SH3GL3: variants seen among roughly 807,000 people sequenced by gnomAD.
The protein encoded by SH3GL3 is endophilin-A3.
A neutral mutation model predicts 47.7 loss-of-function variants in SH3GL3; 33 were observed. That is an observed-to-expected ratio of 0.69 (90% confidence interval 0.52 to 0.92). SH3GL3 has a LOEUF of 0.92. Ranked by LOEUF, SH3GL3 falls within the 40% of genes least tolerant of loss-of-function variation. SH3GL3 has a pLI of 0.00. For missense variants in SH3GL3, 363 were observed against 417.8 expected (o/e 0.87, Z 1.14); for synonymous variants, 155 against 148.8 (o/e 1.04, Z -0.30).
chr15:83,501,776 C>T (rs1411778003), intron 1 of SH3GL3, among the ~76,000 whole-genome samples: 1 of 152,070 alleles, frequency 6.6e-6, no homozygotes, highest in Non-Finnish European at 1.5e-5. Context: ...CCTGTAATCC[C>T]AGCTACTTGG....
intron 1 of SH3GL3, among the ~76,000 whole-genome samples, chr15:83,461,312 A>C (rs756155795): frequency 2.6e-5 from 4 of 152,194 alleles, no homozygotes. Context: ...ATTAAGTACA[A>C]ATTTCCAAAA....
At chr15:83,479,382 C>T (rs923204432) in intron 1 of SH3GL3, among the ~76,000 whole-genome samples, 7 of 151,914 alleles carry the variant, frequency 4.6e-5, no homozygotes, top group East Asian at 1.9e-4. Context: ...GCAGTGATCC[C>T]GGGAAAACTA....
At chr15:83,500,958 T>A (rs1309492639) in intron 1 of SH3GL3, among the ~76,000 whole-genome samples, 2 of 152,238 alleles carry the variant, frequency 1.3e-5, no homozygotes, top group Non-Finnish European at 2.9e-5. Context: ...CGAAGGCCCT[T>A]TGAAAAGAGT....
At chr15:83,498,203 A>T (rs2042155466) in intron 1 of SH3GL3, among the ~76,000 whole-genome samples, 1 of 152,190 alleles carries the variant, frequency 6.6e-6, no homozygotes, top group South Asian at 2.1e-4. Context: ...TTTTAAGTCC[A>T]TCCAAACATT....
chr15:83,611,778 C>G (rs1479831967), intron 8 of SH3GL3, among the ~76,000 whole-genome samples: 1 of 152,120 alleles, frequency 6.6e-6, no homozygotes, highest in East Asian at 1.9e-4. Context: ...ATTCAGGTCC[C>G]TTGGAGAGGC....
chr15:83,578,131 A>G (rs1439167478), intron 6 of SH3GL3, among the ~76,000 whole-genome samples: 1 of 152,158 alleles, frequency 6.6e-6, no homozygotes, highest in Admixed American at 6.5e-5. Context: ...GATTTGTCCA[A>G]GTAAAGTCAA....
At chr15:83,462,238 A>C (rs1231121329) in intron 1 of SH3GL3, among the ~76,000 whole-genome samples, 10 of 152,222 alleles carry the variant, frequency 6.6e-5, no homozygotes. Flanking sequence ...CTGACTTCAC[A>C]CTGTGGACAG....
At chr15:83,478,677 C>A (rs2151549681) in intron 1 of SH3GL3, among the ~76,000 whole-genome samples, 1 of 152,314 alleles carries the variant, frequency 6.6e-6, no homozygotes, top group African/African-American at 2.4e-5. Flanking sequence ...AGTCGCAGCT[C>A]AGCCATTTTG....
At chr15:83,492,169 G>T (rs1430041421) in intron 1 of SH3GL3, among the ~76,000 whole-genome samples, 1 of 150,574 alleles carries the variant, frequency 6.6e-6, no homozygotes, top group Admixed American at 6.7e-5. Flanking sequence ...TGTAATCCCA[G>T]CTACTCGGGA....
intron 1 of SH3GL3, among the ~76,000 whole-genome samples, chr15:83,516,623 G>T (rs939704217): frequency 2.0e-5 from 3 of 151,966 alleles, no homozygotes; most frequent in East Asian, 1.9e-4. Flanking sequence ...GAACAAGGGT[G>T]GGGGAAGGTG....
intron 1 of SH3GL3, among the ~76,000 whole-genome samples, chr15:83,508,394 G>A (rs553974906): frequency 5.3e-5 from 8 of 152,022 alleles, no homozygotes; most frequent in Admixed American, 2.0e-4. Context: ...TTAGAAACAC[G>A]CTGGAGGTGT....
intron 1 of SH3GL3, among the ~76,000 whole-genome samples, chr15:83,509,134 A>C (rs2042640423): frequency 6.6e-6 from 1 of 152,260 alleles, no homozygotes; most frequent in Admixed American, 6.5e-5. Flanking sequence ...ATGGGACAGA[A>C]AAGTGAGAGC....
intron 1 of SH3GL3, among the ~76,000 whole-genome samples, chr15:83,493,475 A>G (rs1038932673): frequency 2.0e-5 from 3 of 152,232 alleles, no homozygotes; most frequent in African/African-American, 7.2e-5. Flanking sequence ...ACCGTGACAC[A>G]TCGGCTCTGT....
chr15:83,507,937 C>CTTTAT (rs1471360746), intron 1 of SH3GL3, among the ~76,000 whole-genome samples: 1 of 151,874 alleles, frequency 6.6e-6, no homozygotes, highest in Non-Finnish European at 1.5e-5. Context: ...TTTTATTTTA[C>CTTTAT]TTTATTTTAT....
In SH3GL3 at chr15:83,588,647, C is replaced by A; in HGVS notation, c.729-15C>A. 6.7e-7 allele frequency: 1 copy of A among 1,484,624 alleles called. No individual in the cohort carries two copies. The highest frequency in any genetic ancestry group is 9.4e-7 in the Non-Finnish European group (1 of 1,062,274). The allele number at this position is 1,484,624 out of a possible 1,614,324, so 92.0% of individuals were successfully genotyped here. A position where few individuals can be genotyped will look rare whatever the true frequency, so the allele number is the denominator to read the frequency against. On this transcript the variant is annotated splice_polypyrimidine_tract_variant and intron_variant, in intron 7 of 8. Coordinates refer to ENST00000427482, the MANE Select transcript of SH3GL3 (RefSeq NM_003027.5). ...AACATCAGATGTCTGGCTCATCTTA[C>A]GATGTGTGTTACAGAATATCAGCTG...
At chr15:83,449,127 A>G (rs2039602198) in intron 1 of SH3GL3, among the ~76,000 whole-genome samples, 1 of 152,200 alleles carries the variant, frequency 6.6e-6, no homozygotes, top group African/African-American at 2.4e-5. Flanking sequence ...CAGACTCTAG[A>G]CAGCACCCCC....
chr15:83,609,729 A>G (rs1169896241), intron 8 of SH3GL3, among the ~76,000 whole-genome samples: 1 of 152,082 alleles, frequency 6.6e-6, no homozygotes, highest in East Asian at 1.9e-4. Flanking sequence ...AAGAGCTGTG[A>G]GTTTTAGTGC....
intron 1 of SH3GL3, among the ~76,000 whole-genome samples, chr15:83,449,905 C>A (rs1595991452): frequency 6.6e-6 from 1 of 152,044 alleles, no homozygotes; most frequent in Non-Finnish European, 1.5e-5. Context: ...GAAATCAGAC[C>A]GGTTTAATAT....
intron 6 of SH3GL3, among the ~76,000 whole-genome samples, chr15:83,586,290 A>C (rs1292303385): frequency 6.6e-6 from 1 of 152,216 alleles, no homozygotes; most frequent in Non-Finnish European, 1.5e-5. Context: ...CATATCATCC[A>C]GGTTTTTCCT....
Sources: allele counts gnomAD v4.1 joint callset (sites outside exome capture counted in the v4.1 genomes callset), GRCh38; gene constraint gnomAD v4.1.1; transcripts MANE v1.5; gene names NCBI Gene and HGNC (gene_info 2026-07-23, HGNC 2026-07-21).